HDAC4: variants seen among roughly 807,000 people sequenced by gnomAD.
HDAC4 encodes the protein histone deacetylase A.
A neutral mutation model predicts 135.1 loss-of-function variants in HDAC4; 16 were observed. The observed-to-expected ratio is 0.12, with a 90% CI of 0.08 to 0.18. The LOEUF is 0.18. Among genes scored for constraint, HDAC4 ranks in the 10% least tolerant of loss-of-function variants. The pLI is 1.00. For synonymous variants in HDAC4, 685 were observed against 653.4 expected (o/e 1.05, Z -0.74); for missense variants, 1,143 against 1,511.8 (o/e 0.76, Z 4.05).
intron 11 of HDAC4, among the ~76,000 whole-genome samples, chr2:239,129,245 G>A (rs1302507496): frequency 8.5e-5 from 13 of 152,314 alleles, no homozygotes; most frequent in African/African-American, 1.7e-4. Flanking sequence ...GAAAAGCAGC[G>A]CCCTGACCTC....
At chr2:239,155,659 C>G (rs1366454811) in intron 7 of HDAC4, 1 of 152,362 alleles carries the variant, frequency 6.6e-6, no homozygotes, top group Non-Finnish European at 1.5e-5. Context: ...TGAAGAAGCC[C>G]TTGTGTGACT....
intron 14 of HDAC4, among the ~76,000 whole-genome samples, chr2:239,109,939 C>A (rs575954055): frequency 6.6e-6 from 1 of 152,080 alleles, no homozygotes; most frequent in Non-Finnish European, 1.5e-5. Context: ...AAAGCTGGAG[C>A]GTAGAGAGAT....
chr2:239,184,069 TAA>T (rs58952360), intron 4 of HDAC4, among the ~76,000 whole-genome samples: 6,467 of 71,056 alleles, frequency 0.091, 187 homozygotes, highest in East Asian at 0.13. Context: ...CTTGCTAGTG[TAA>T]AAAAAAAAAA....
rs113041899 is a variant in HDAC4, at chr2:239,269,995, T to G, written c.23-33331A>C. Among the ~76,000 whole-genome samples the G allele has an allele frequency of 1.5e-3, 222 of 151,274 alleles. 1 individual carries two copies. The highest frequency in any genetic ancestry group is 5.3e-3 in the African/African-American group (216 of 40,968). On this transcript the variant is annotated intron_variant, in intron 2 of 26. Transcript: ENST00000543185. ...TGACTTATCTCCCCGCCCCCCAAAA[T>G]GATGTCCTTACACAAAACACAACAG...
chr2:239,366,302 T>C (rs1694212037), intron 1 of HDAC4, among the ~76,000 whole-genome samples: 1 of 152,216 alleles, frequency 6.6e-6, no homozygotes, highest in Non-Finnish European at 1.5e-5. Flanking sequence ...CGTGTGGCAC[T>C]GGCGGACACA....
chr2:239,068,495 C>A lies in HDAC4; in HGVS notation c.2863G>T (p.Ala955Ser). 1 of 1,610,684 alleles carries A rather than the reference C, an allele frequency of 6.2e-7. No homozygotes were observed. The highest frequency in any genetic ancestry group is 8.5e-7 in the Non-Finnish European group (1 of 1,177,032). The stretch of plus-strand genomic sequence containing the variant: ...CATATGCAGAACCACTTACATCTGG[C>A]GGAGAGGTTGTAGCCCCCAAGAGGG... ...PTPLGGYNLS[A>S]RCFGYLTKQL... The change falls in exon 23 of 27, where the codon GCC becomes TCC. Residue 955 changes from alanine (A) to serine (S), a missense_variant. Physicochemically the swap from Ala to Ser is moderately conservative, Grantham distance 99 (BLOSUM62 1). Transcript: ENST00000543185. This position sits in a 1 kb window ranked among gnomAD's most constrained non-coding sequence, Gnocchi z 4.4.
chr2:239,366,036 G>A (rs1559387001), intron 1 of HDAC4, among the ~76,000 whole-genome samples: 1 of 151,032 alleles, frequency 6.6e-6, no homozygotes, highest in Admixed American at 6.6e-5. Context: ...CACAGAGCAG[G>A]GTCGTCAGGG....
At chr2:239,173,433 A>G (rs1031743055) in intron 5 of HDAC4, among the ~76,000 whole-genome samples, 2 of 152,236 alleles carry the variant, frequency 1.3e-5, no homozygotes, top group African/African-American at 4.8e-5. Context: ...ATGCTGAAAC[A>G]GCACCTGACA....
At chr2:239,375,459 C>T (rs1218395477) in intron 1 of HDAC4, among the ~76,000 whole-genome samples, 1 of 152,182 alleles carries the variant, frequency 6.6e-6, no homozygotes, top group Non-Finnish European at 1.5e-5. Flanking sequence ...ATGTGTGAAG[C>T]GAAGCCCCTG....
chr2:239,139,455 C>T lies in HDAC4; in HGVS notation c.978+229G>A, dbSNP rs983321381. 3.3e-5 allele frequency among the ~76,000 whole-genome samples: 5 copies of T among 152,120 alleles called. No homozygotes were observed. The highest frequency in any genetic ancestry group is 1.2e-4 in the African/African-American group (5 of 41,418). Reference sequence around the variant, plus strand: ...GGACCAGGCTCAGGGCTGTCCCCGACGTGCCTGGAACTAGCGTGTTCATAA... The same window carrying T: ...GGACCAGGCTCAGGGCTGTCCCCGATGTGCCTGGAACTAGCGTGTTCATAA... On this transcript the variant is annotated intron_variant, in intron 9 of 26. Coordinates refer to ENST00000543185, the MANE Select transcript of HDAC4 (RefSeq NM_001378414.1). The surrounding 1 kb of genome is among the most constrained non-coding windows in gnomAD (Gnocchi z 5.3).
At chr2:239,327,180 G>C (rs532736684) in intron 2 of HDAC4, among the ~76,000 whole-genome samples, 2 of 152,370 alleles carry the variant, frequency 1.3e-5, no homozygotes, top group South Asian at 4.1e-4. Flanking sequence ...TCTGCTGGCA[G>C]CTGGGTTTCC....
At chr2:239,319,341 G>T (rs1020781236) in intron 2 of HDAC4, among the ~76,000 whole-genome samples, 2 of 152,226 alleles carry the variant, frequency 1.3e-5, no homozygotes, top group Admixed American at 6.5e-5. Context: ...TTTCAATTCT[G>T]CAAATGATTA....
At position 239,141,953 on chromosome 2, in the gene HDAC4, G is replaced by A. The variant is rs1387950003; in HGVS notation, c.866-2157C>T. Among the ~76,000 whole-genome samples, 1 of 152,186 alleles carries A rather than the reference G, an allele frequency of 6.6e-6. No individual in the cohort carries two copies. Among genetic ancestry groups the A allele is most frequent in the Non-Finnish European group, 1.5e-5 (1 of 68,044 alleles). The stretch of plus-strand genomic sequence containing the variant: ...GCAAAACGGGAACACCATTGGAGGT[G>A]CTCAAAAGGCGTGTGGCTGAAATTG... On this transcript the variant is annotated intron_variant, in intron 8 of 26. Coordinates refer to ENST00000543185, the MANE Select transcript of HDAC4 (RefSeq NM_001378414.1). This position sits in a 1 kb window ranked among gnomAD's most constrained non-coding sequence, Gnocchi z 4.9.
At chr2:239,219,465 G>C (rs968752265) in intron 3 of HDAC4, among the ~76,000 whole-genome samples, 2 of 142,314 alleles carry the variant, frequency 1.4e-5, no homozygotes, top group African/African-American at 5.2e-5. Flanking sequence ...ACCGGGGACT[G>C]TTGTGGGGTG....
chr2:239,347,862 T>C (rs1268897743), intron 2 of HDAC4, among the ~76,000 whole-genome samples: 4 of 152,192 alleles, frequency 2.6e-5, no homozygotes, highest in Admixed American at 2.6e-4. Context: ...GCACCAAGAT[T>C]CCAGGAGCGA....
chr2:239,092,178 G>A (rs1219287660), intron 17 of HDAC4, among the ~76,000 whole-genome samples: 14 of 151,654 alleles, frequency 9.2e-5, no homozygotes, highest in Non-Finnish European at 7.4e-5. Context: ...GGTCGAGGCT[G>A]CAGTTAGCCA....
At chr2:239,180,115 C>T (rs534348719) in intron 4 of HDAC4, among the ~76,000 whole-genome samples, 3 of 152,212 alleles carry the variant, frequency 2.0e-5, no homozygotes, top group South Asian at 4.2e-4. Flanking sequence ...ATGAGAGGCC[C>T]GAGCCGACTG....
At chr2:239,095,278 CT>C (rs2036914006) in intron 16 of HDAC4, among the ~76,000 whole-genome samples, 1 of 143,996 alleles carries the variant, frequency 6.9e-6, no homozygotes, top group Admixed American at 7.3e-5. Context: ...GTCACAGACC[CT>C]GGTGGGGACA....
At chr2:239,084,398 C>T (rs556780949) in intron 19 of HDAC4, among the ~76,000 whole-genome samples, 156 bp from the exon 20 acceptor site, 6 of 152,086 alleles carry the variant, frequency 3.9e-5, no homozygotes, top group East Asian at 1.9e-4. Flanking sequence ...TCAGTGATGC[C>T]GGAGAATCGG....
Sources: gnomAD v4.1 joint callset for allele counts (sites outside exome capture counted in the v4.1 genomes callset) on GRCh38, gnomAD v4.1.1 for gene constraint, Gnocchi (gnomAD v3.1) non-coding constraint, MANE v1.5 for transcripts, NCBI Gene and HGNC (gene_info 2026-07-23, HGNC 2026-07-21) for gene names.